The following DSTYK variants were observed in gnomAD, a reference collection of about 807,000 sequenced individuals.
The protein encoded by DSTYK is dual serine/threonine and tyrosine protein kinase, also known as RIP-homologous kinase.
In DSTYK, 34 loss-of-function variants were observed where a neutral mutation model predicts 98.7. That is an observed-to-expected ratio of 0.34 (90% confidence interval 0.26 to 0.46). DSTYK has a LOEUF of 0.46. DSTYK is among the 20% of genes least tolerant of loss of function. DSTYK has a pLI of 1.00. For missense variants in DSTYK, 962 were observed against 1,181.7 expected (o/e 0.81, Z 2.73); for synonymous variants, 462 against 457.3 (o/e 1.01, Z -0.13).
At chr1:205,207,325 T>C (rs1457091955) in intron 1 of DSTYK, among the ~76,000 whole-genome samples, 3 of 149,498 alleles carry the variant, frequency 2.0e-5, no homozygotes, top group South Asian at 2.2e-4. Flanking sequence ...GTGATCCACC[T>C]GCCTCGGCCT....
intron 1 of DSTYK, among the ~76,000 whole-genome samples, chr1:205,209,866 C>A (rs1659318779): frequency 6.6e-6 from 1 of 151,764 alleles, no homozygotes; most frequent in Non-Finnish European, 1.5e-5. Context: ...CCACCTGCAT[C>A]ACCTTCCCCA....
At position 205,147,600 on chromosome 1, in the gene DSTYK, G is replaced by A; in HGVS notation, c.2748C>T (p.Ser916=). ...LQGIMNRLCK[S]NSEQPNRGLD... ...GTCCTCTGTTTGGCTGCTCAGAATT[G>A]GACTTGCAGAGCCGATTCATGATGC... The change falls in exon 13 of 13, where the codon TCC becomes TCT. Residue 916 remains serine (S), a synonymous_variant. Transcript: ENST00000367162. The A allele has an allele frequency of 6.2e-7, 1 of 1,613,632 alleles. No individual in the cohort carries two copies. Among genetic ancestry groups the A allele is most frequent in the African/African-American group, 1.3e-5 (1 of 75,040 alleles).
At chr1:205,197,020 C>A (rs918866451) in intron 1 of DSTYK, among the ~76,000 whole-genome samples, 3 of 151,854 alleles carry the variant, frequency 2.0e-5, no homozygotes, top group Non-Finnish European at 4.4e-5. Context: ...CCGCCATGGC[C>A]TCCCAAAGTG....
At chr1:205,202,185 G>T in intron 1 of DSTYK, 6 of 558,774 alleles carry the variant, frequency 1.1e-5, no homozygotes, top group South Asian at 8.3e-5. Context: ...GAGGTAATCC[G>T]TGAAAATGGT....
intron 9 of DSTYK, among the ~76,000 whole-genome samples, chr1:205,159,318 G>A (rs1031369881): frequency 6.6e-6 from 1 of 152,108 alleles, no homozygotes; most frequent in Non-Finnish European, 1.5e-5. Flanking sequence ...CAAACTCCTG[G>A]ACTCAAGTGA....
intron 2 of DSTYK, among the ~76,000 whole-genome samples, chr1:205,174,125 T>C (rs555765162): frequency 1.5e-3 from 222 of 151,828 alleles, no homozygotes; most frequent in Non-Finnish European, 2.6e-3. Context: ...ATGCCTGTAA[T>C]CCCAGCACTC....
rs757807088 is a variant in DSTYK at position 205,147,659 on chromosome 1, G to A, written c.2689C>T (p.Pro897Ser). ...ATGGGCTGGACAATGCCCAAGAGAG[G>A]CCTCTTCAAGGGGTCGCCATCCCAA... Reference protein sequence around the residue: ...ACWDGDPLKRPLLGIVQPMLQ... With the variant: ...ACWDGDPLKRSLLGIVQPMLQ... The change falls in exon 13 of 13, where the codon CCT becomes TCT. Residue 897 changes from proline to serine, a missense_variant. Coordinates refer to ENST00000367162, the MANE Select transcript of DSTYK (RefSeq NM_015375.3). The A allele has an allele frequency of 6.2e-7, 1 of 1,614,166 alleles. No homozygotes were observed. Among genetic ancestry groups the A allele is most frequent in the Admixed American group, 1.7e-5 (1 of 60,020 alleles).
At chr1:205,161,864 CTGA>C (rs1657730416) in intron 6 of DSTYK, among the ~76,000 whole-genome samples, 169 bp downstream of exon 6, 1 of 151,892 alleles carries the variant, frequency 6.6e-6, no homozygotes, top group African/African-American at 2.4e-5. Context: ...AGAAAATATA[CTGA>C]TGATTTTAAT....
At chr1:205,206,030 A>G (rs1659188635) in intron 1 of DSTYK, among the ~76,000 whole-genome samples, 1 of 152,248 alleles carries the variant, frequency 6.6e-6, no homozygotes. Flanking sequence ...AGGTCTTCTT[A>G]GACCTTTTTA....
chr1:205,150,696 G>A lies in DSTYK; in HGVS notation c.2451C>T (p.Ala817=), dbSNP rs1271840064. 1.2e-6 allele frequency: 2 copies of A among 1,613,682 alleles called. No homozygotes were observed. The highest frequency in any genetic ancestry group is 1.7e-6 in the Non-Finnish European group (2 of 1,179,922). ...GSIVGTPIHM[A]PELFTGKYDN... is the part of the protein sequence containing the mutation. ...CAGCCTTACCTGTGAAAAGTTCAGGGGCCATATGGATTGGTGTCCCCACAA... is the reference window on the plus strand; with the variant it reads ...CAGCCTTACCTGTGAAAAGTTCAGGAGCCATATGGATTGGTGTCCCCACAA... The change falls in exon 11 of 13, where the codon GCC becomes GCT. Residue 817 remains alanine (A), a synonymous_variant. Transcript: ENST00000367162. The surrounding 1 kb of genome is among the most constrained non-coding windows in gnomAD (Gnocchi z 4.1).
At chr1:205,202,666 C>T (rs1338747977) in intron 1 of DSTYK, 2 of 1,192,296 alleles carry the variant, frequency 1.7e-6, no homozygotes, top group Non-Finnish European at 2.5e-6. Flanking sequence ...TGTTCCTAAA[C>T]CAGAAGAGGA....
Position 205,169,543 on chromosome 1 carries a change from C to T in DSTYK, c.944G>A (p.Ser315Asn). ...RQLIDLGYLS[S>N]SHWNCGAPGQ... ...AGGAGCCCCACAGTTCCAGTGACTG[C>T]TGCTCAGATAGCCCAGGTCAATTAG... The change falls in exon 3 of 13, where the codon AGC becomes AAC. Residue 315 changes from serine to asparagine, a missense_variant. Transcript: ENST00000367162. This position sits in a 1 kb window ranked among gnomAD's most constrained non-coding sequence, Gnocchi z 4.0. The T allele has an allele frequency of 6.2e-7, 1 of 1,614,202 alleles. No homozygotes were observed. The highest frequency in any genetic ancestry group is 8.5e-7 in the Non-Finnish European group (1 of 1,180,040).
chr1:205,189,065 G>A (rs1658636664), intron 1 of DSTYK, among the ~76,000 whole-genome samples: 1 of 151,618 alleles, frequency 6.6e-6, no homozygotes, highest in Non-Finnish European at 1.5e-5. Flanking sequence ...CTATAAATAT[G>A]TACAATTACT....
rs1222373179 is a variant in DSTYK, at chr1:205,143,037, A to G, written c.*4521T>C. 2 of 152,204 alleles carry G rather than the reference A, an allele frequency of 1.3e-5. No homozygotes were observed. Among genetic ancestry groups the G allele is most frequent in the African/African-American group, 2.4e-5 (1 of 41,452 alleles). The allele number at this position is 152,204 out of a possible 1,614,324, so 9.4% of individuals were successfully genotyped here. On this transcript the variant is annotated 3_prime_UTR_variant, in exon 13 of 13. Coordinates refer to ENST00000367162, the MANE Select transcript of DSTYK (RefSeq NM_015375.3). ...AGTAGTGCTACTGGAAACCTCCAGGAGAGTTTGGAATACAAGTGTCTCAAG... is the reference window on the plus strand; with the variant it reads ...AGTAGTGCTACTGGAAACCTCCAGGGGAGTTTGGAATACAAGTGTCTCAAG...
intron 10 of DSTYK, among the ~76,000 whole-genome samples, chr1:205,154,325 G>C (rs1005085210): frequency 3.3e-5 from 5 of 152,046 alleles, no homozygotes; most frequent in African/African-American, 1.2e-4. Flanking sequence ...GATATGATTT[G>C]TCCCCATCCA....
rs199974300 is a variant in DSTYK at position 205,154,100 on chromosome 1, AAGAG to A, written c.2352+3169_2352+3172del. Reference sequence around the variant, plus strand: ...GTGTGTGTGTGCATGTATAGAGAGAAAGAGAGAGCGTACATTTTGGAGAAAAGAA... The same window carrying A: ...GTGTGTGTGTGCATGTATAGAGAGAAAGAGCGTACATTTTGGAGAAAAGAA... On this transcript the variant is annotated intron_variant, in intron 10 of 12. Coordinates refer to ENST00000367162, the MANE Select transcript of DSTYK (RefSeq NM_015375.3). 2.7e-3 allele frequency among the ~76,000 whole-genome samples: 410 copies of A among 150,116 alleles called. 7 individuals carry two copies. The East Asian group carries it at 0.041, about 15-fold the overall frequency.
rs1461439960 is a variant in DSTYK at position 205,147,838 on chromosome 1, G to T, written c.2603-93C>A. ...GCTCAAAGGCTGACTTCCCAGTGGG[G>T]CTCAGAATACTAAGAATGCAAGGAG... On this transcript the variant is annotated intron_variant, in intron 12 of 12. Transcript: ENST00000367162. The T allele has an allele frequency of 4.6e-6, 6 of 1,301,462 alleles. No individual in the cohort carries two copies. In the East Asian group the frequency reaches 1.4e-4, roughly 30 times the overall value. 80.6% of individuals were successfully genotyped at this position (1,301,462 alleles called of 1,614,324 possible).
Position 205,156,641 on chromosome 1 carries a change from G to A in DSTYK, c.2352+632C>T, listed in dbSNP as rs972933932. Among the ~76,000 whole-genome samples the A allele has an allele frequency of 2.0e-5, 3 of 152,170 alleles. No homozygotes were observed. In the East Asian group the frequency reaches 5.8e-4, roughly 29 times the overall value. Reference sequence around the variant, plus strand: ...TTGCTTTTGATTTTACAGGCTCACAGGCAGAAGGGACTTGCGTTGTCTCAG... The same window carrying A: ...TTGCTTTTGATTTTACAGGCTCACAAGCAGAAGGGACTTGCGTTGTCTCAG... On this transcript the variant is annotated intron_variant, in intron 10 of 12. Transcript: ENST00000367162.
At chr1:205,183,427 G>T (rs1658478151) in intron 2 of DSTYK, among the ~76,000 whole-genome samples, 1 of 152,156 alleles carries the variant, frequency 6.6e-6, no homozygotes, top group African/African-American at 2.4e-5. Context: ...AGCAGTGTGG[G>T]TCCATGTGAG....
Sources: gnomAD v4.1 joint callset for allele counts (sites outside exome capture counted in the v4.1 genomes callset) on GRCh38, gnomAD v4.1.1 for gene constraint, Gnocchi (gnomAD v3.1) non-coding constraint, MANE v1.5 for transcripts, NCBI Gene and HGNC (gene_info 2026-07-23, HGNC 2026-07-21) for gene names.